Variants in GOLGA8J observed in about 807,000 individuals in gnomAD.
GOLGA8J encodes golgin A8 family member J.
GOLGA8J carries 19 observed loss-of-function variants against 67.7 expected under a neutral mutation model. The ratio of observed to expected loss-of-function variants is 0.28; its 90% CI spans 0.20 to 0.41. The LOEUF (loss-of-function observed/expected upper bound fraction) is 0.41, where lower values mean the gene tolerates loss of function less well. Ranked by LOEUF, GOLGA8J falls within the 10% of genes least tolerant of loss-of-function variation. The pLI is 1.00. For missense variants in GOLGA8J, 205 were observed against 584.3 expected, an observed-to-expected ratio of 0.35 and a Z score of 6.69; for synonymous variants, 69 against 215.9, an observed-to-expected ratio of 0.32 and a Z score of 5.97.
At chr15:30,089,466 G>C (rs2140567490) in intron 11 of GOLGA8J, 143 bp downstream of exon 11, 2 of 666,318 alleles carry the variant, frequency 3.0e-6, no homozygotes, top group East Asian at 5.5e-5. Context: ...GGCGAGTCTT[G>C]TCATCTCAAT....
At position 30,094,255 on chromosome 15, in the gene GOLGA8J, G is replaced by T. The variant is rs1181903017; in HGVS notation, c.*756G>T. 6.9e-6 allele frequency among the ~76,000 whole-genome samples: 1 copy of T among 145,264 alleles called. No homozygotes were observed. The highest frequency in any genetic ancestry group is 1.5e-5 in the Non-Finnish European group (1 of 67,428). ...CCCTTAGGATTTGTATGTGCTCTGG[G>T]CTCATGAAGATACTGCATCATGAGC... On this transcript the variant is annotated 3_prime_UTR_variant, in exon 19 of 19. Coordinates refer to ENST00000567927, the MANE Select transcript of GOLGA8J (RefSeq NM_001282472.2).
rs1452889127 is a variant in GOLGA8J, at chr15:30,089,584, G to A, written c.875-116G>A. The A allele has an allele frequency of 3.3e-5, 20 of 607,066 alleles. No individual in the cohort carries two copies. In the East Asian group the frequency reaches 4.1e-4, roughly 12 times the overall value. The allele number at this position is 607,066 out of a possible 1,614,324, so 37.6% of individuals were successfully genotyped here. On this transcript the variant is annotated intron_variant, in intron 11 of 18. Transcript: ENST00000567927. ...GGAAGACTGGCTACCATCTGGGTGC[G>A]AGGAATCATTAGCAGTGAGGCCAAG... is the stretch of plus-strand genomic sequence containing the variant.
rs1475423448 is a variant in GOLGA8J at position 30,095,479 on chromosome 15, C to T, written c.*1980C>T. ...AAAAAATTTAGACCAAATAATGCAGCTAATTAACAGTGGTACGATTTGTAG... is the reference window on the plus strand; with the variant it reads ...AAAAAATTTAGACCAAATAATGCAGTTAATTAACAGTGGTACGATTTGTAG... On this transcript the variant is annotated 3_prime_UTR_variant, in exon 19 of 19. Transcript: ENST00000567927. Among the ~76,000 whole-genome samples the T allele has an allele frequency of 1.4e-5, 2 of 146,384 alleles. No individual in the cohort carries two copies. Among genetic ancestry groups the T allele is most frequent in the Admixed American group, 6.8e-5 (1 of 14,662 alleles).
chr15:30,087,931 A>G, intron 8 of GOLGA8J: 1 of 642,906 alleles, frequency 1.6e-6, no homozygotes, highest in Non-Finnish European at 2.8e-6. Context: ...CCCCGCCCTT[A>G]CCTGTCTGTG....
rs4349126 is a variant in GOLGA8J at position 30,092,028 on chromosome 15, A to G, written c.1277-14A>G. On this transcript the variant is annotated splice_polypyrimidine_tract_variant and intron_variant, in intron 14 of 18. Transcript: ENST00000567927. ...GTTGGGTTGTCTGAAGACCCGTCTGACCACCCCCCACAGGACACGGAGGAG... is the reference window on the plus strand; with the variant it reads ...GTTGGGTTGTCTGAAGACCCGTCTGGCCACCCCCCACAGGACACGGAGGAG... 4.1e-4 allele frequency: 661 copies of G among 1,596,426 alleles called. 46 individuals carry two copies. The highest frequency in any genetic ancestry group is 1.1e-3 in the South Asian group (96 of 89,702).
rs1428298921 is a variant in GOLGA8J, at chr15:30,090,059, C to T, written c.1131+103C>T. 5.4e-5 allele frequency: 64 copies of T among 1,179,530 alleles called. 6 individuals are homozygous for T. Among genetic ancestry groups the T allele is most frequent in the Non-Finnish European group, 6.8e-5 (61 of 891,740 alleles). The allele number at this position is 1,179,530 out of a possible 1,614,324, so 73.1% of individuals were successfully genotyped here. A position where few individuals can be genotyped will look rare whatever the true frequency, so the allele number is the denominator to read the frequency against. ...AGTGTAGCCCTCACATGAAATGTTA[C>T]TTCTAAAGGCACCTGTGAGCCAGGT... On this transcript the variant is annotated intron_variant, in intron 12 of 18. Transcript: ENST00000567927.
intron 8 of GOLGA8J, chr15:30,088,052 CGTGTGT>C (rs370864009): frequency 2.4e-3 from 1,049 of 443,220 alleles, no homozygotes; most frequent in Middle Eastern, 3.2e-3. Flanking sequence ...AACGTGTGTG[CGTGTGT>C]GTGTGTGTGT....
In GOLGA8J at chr15:30,094,450, C is replaced by T. The variant is rs2057448550; in HGVS notation, c.*951C>T. Among the ~76,000 whole-genome samples, 1 of 142,460 alleles carries T rather than the reference C, an allele frequency of 7.0e-6. No individual in the cohort carries two copies. The highest frequency in any genetic ancestry group is 1.5e-5 in the Non-Finnish European group (1 of 67,356). The allele number at this position is 142,460 out of a possible 152,430, so 93.5% of individuals were successfully genotyped here. A position where few individuals can be genotyped will look rare whatever the true frequency, so the allele number is the denominator to read the frequency against. On this transcript the variant is annotated 3_prime_UTR_variant, in exon 19 of 19. Transcript: ENST00000567927. The stretch of plus-strand genomic sequence containing the variant: ...GTTACCTGTTTTAATCACATGACTA[C>T]ATGTCCCAGTACACAAAAGGGCACT...
chr15:30,091,346 A>G (rs1595390074), intron 13 of GOLGA8J, among the ~76,000 whole-genome samples, 189 bp from the exon 14 acceptor site: 2 of 136,920 alleles, frequency 1.5e-5, no homozygotes, highest in East Asian at 2.2e-4. Flanking sequence ...GAGGCGCTGT[A>G]CAGGCAGTGA....
Position 30,090,686 on chromosome 15 carries a change from C to CAA in GOLGA8J, c.1200+426_1200+427dup, listed in dbSNP as rs71270989. 6.5e-3 allele frequency among the ~76,000 whole-genome samples: 386 copies of CAA among 59,368 alleles called. 9 individuals are homozygous for CAA. Among genetic ancestry groups the CAA allele is most frequent in the South Asian group, 0.049 (92 of 1,892 alleles). The allele number at this position is 59,368 out of a possible 152,430, so 38.9% of individuals were successfully genotyped here. A position where few individuals can be genotyped will look rare whatever the true frequency, so the allele number is the denominator to read the frequency against. On this transcript the variant is annotated intron_variant, in intron 13 of 18. Coordinates refer to ENST00000567927, the MANE Select transcript of GOLGA8J (RefSeq NM_001282472.2). The stretch of plus-strand genomic sequence containing the variant: ...TAAAACCTCATCTCTACTAAAATTA[C>CAA]AAAAAAAAAAAAAAAAAAAAATTAG...
At chr15:30,090,707 A>C (rs1434537731) in intron 13 of GOLGA8J, among the ~76,000 whole-genome samples, 1 of 130,708 alleles carries the variant, frequency 7.7e-6, no homozygotes, top group Admixed American at 7.1e-5. Context: ...AAAAAAAAAA[A>C]TTAGCAGGAC....
rs4555130 is a variant in GOLGA8J, at chr15:30,092,023, G to A, written c.1277-19G>A. 203 of 1,596,878 alleles carry A rather than the reference G, an allele frequency of 1.3e-4. 12 individuals carry two copies. The highest frequency in any genetic ancestry group is 1.0e-3 in the South Asian group (93 of 89,704). ...CCCTTGTTGGGTTGTCTGAAGACCC[G>A]TCTGACCACCCCCCACAGGACACGG... On this transcript the variant is annotated intron_variant, in intron 14 of 18. Transcript: ENST00000567927.
At position 30,089,008 on chromosome 15, in the gene GOLGA8J, TGGC is replaced by T; in HGVS notation, c.755_757del (p.Trp252_Gln253delinsTer). ...ACATCTAAAAGGAGAGAGGGCCCGG[TGGC>T]AGCAGAGGATGAGAAAAATGTCGCA... On this transcript the variant is annotated stop_gained and inframe_deletion, in exon 10 of 19. Coordinates refer to ENST00000567927, the MANE Select transcript of GOLGA8J (RefSeq NM_001282472.2). LOFTEE classifies it high-confidence loss of function. 7.3e-7 allele frequency: 1 copy of T among 1,369,132 alleles called. No individual in the cohort carries two copies. Among genetic ancestry groups the T allele is most frequent in the Non-Finnish European group, 9.8e-7 (1 of 1,016,654 alleles). The allele number at this position is 1,369,132 out of a possible 1,614,324, so 84.8% of individuals were successfully genotyped here. A position where few individuals can be genotyped will look rare whatever the true frequency, so the allele number is the denominator to read the frequency against.
At position 30,093,439 on chromosome 15, in the gene GOLGA8J, G is replaced by A. The variant is rs199962178; in HGVS notation, c.1839G>A (p.Leu613=). The A allele has an allele frequency of 8.5e-5, 134 of 1,568,608 alleles. 6 individuals carry two copies. The highest frequency in any genetic ancestry group is 2.3e-4 in the Middle Eastern group (1 of 4,376). ...AGGACCACCAGGAGCACCCAGGCTT[G>A]GGCAGCAACTGCTGTGTGCCATTCT... is the stretch of plus-strand genomic sequence containing the variant. ...IVQDHQEHPG[L]GSNCCVPFLC... Residue 613 remains leucine, a synonymous_variant, in exon 19 of 19, where the codon TTG becomes TTA. Coordinates refer to ENST00000567927, the MANE Select transcript of GOLGA8J (RefSeq NM_001282472.2).
intron 13 of GOLGA8J, among the ~76,000 whole-genome samples, chr15:30,090,717 C>G (rs1462449962): frequency 1.5e-5 from 2 of 130,362 alleles, no homozygotes; most frequent in Non-Finnish European, 3.1e-5. Context: ...ATTAGCAGGA[C>G]ATTGTGGCGC....
chr15:30,091,981 G>A (rs2057409630), intron 14 of GOLGA8J, 61 bp from the exon 15 acceptor site: 2 of 1,570,702 alleles, frequency 1.3e-6, no homozygotes, highest in Non-Finnish European at 8.7e-7. Flanking sequence ...GGAGGTAGAG[G>A]TGGGCCCACA....
rs1188707636 is a variant in GOLGA8J at position 30,094,520 on chromosome 15, C to G, written c.*1021C>G. Among the ~76,000 whole-genome samples the G allele has an allele frequency of 7.8e-6, 1 of 127,734 alleles. No individual in the cohort carries two copies. The highest frequency in any genetic ancestry group is 1.5e-5 in the Non-Finnish European group (1 of 66,418). 83.8% of individuals were successfully genotyped at this position (127,734 alleles called of 152,430 possible). A position where few individuals can be genotyped will look rare whatever the true frequency, so the allele number is the denominator to read the frequency against. ...GTATTTAGTGAAGATCATAAGAAAT[C>G]CTTTATGAGTTCAAACGTTCCTGGA... On this transcript the variant is annotated 3_prime_UTR_variant, in exon 19 of 19. Transcript: ENST00000567927.
rs184930639 is a variant in GOLGA8J at position 30,094,224 on chromosome 15, G to C, written c.*725G>C. Among the ~76,000 whole-genome samples the C allele has an allele frequency of 1.3e-4, 18 of 143,082 alleles. 1 individual carries two copies. The highest frequency in any genetic ancestry group is 3.6e-3 in the Middle Eastern group (1 of 280). 93.9% of individuals were successfully genotyped at this position (143,082 alleles called of 152,430 possible). On this transcript the variant is annotated 3_prime_UTR_variant, in exon 19 of 19. Coordinates refer to ENST00000567927, the MANE Select transcript of GOLGA8J (RefSeq NM_001282472.2). ...TGCCCGGAATTAGCAGTGTATTATG[G>C]TGGTTCCCTTAGGATTTGTATGTGC... is the stretch of plus-strand genomic sequence containing the variant.
In GOLGA8J at chr15:30,093,221, G is replaced by A. The variant is rs1365231684; in HGVS notation, c.1705G>A (p.Ala569Thr). Residue 569 changes from alanine (A) to threonine (T), a missense_variant, in exon 18 of 19, where the codon GCT becomes ACT. Coordinates refer to ENST00000567927, the MANE Select transcript of GOLGA8J (RefSeq NM_001282472.2). The part of the protein sequence containing the change: ...PGAPAPQELG[A>T]ADKHGHLCEV... ...AGCCCCAGCCCCCCAGGAGCTTGGG[G>A]CTGCAGACAAGCATGGTCGTGAGTA... 2.3e-5 allele frequency: 37 copies of A among 1,582,814 alleles called. 3 individuals carry two copies. The highest frequency in any genetic ancestry group is 2.8e-5 in the Non-Finnish European group (33 of 1,172,850).
Sources: gnomAD v4.1 joint callset for allele counts (sites outside exome capture counted in the v4.1 genomes callset) on GRCh38, gnomAD v4.1.1 for gene constraint, MANE v1.5 for transcripts, NCBI Gene and HGNC (gene_info 2026-07-23, HGNC 2026-07-21) for gene names.